Variants in BNC2 observed in about 807,000 individuals in gnomAD.
BNC2 encodes zinc finger protein basonuclin-2.
A neutral mutation model predicts 76.3 loss-of-function variants in BNC2; 20 were observed. The ratio of observed to expected loss-of-function variants is 0.26; its 90% confidence interval spans 0.18 to 0.38. The LOEUF (loss-of-function observed/expected upper bound fraction) is 0.38. BNC2 is among the 10% of genes least tolerant of loss of function. The probability of loss-of-function intolerance (pLI) is 1.00; values close to 1 mark genes in which losing one functional copy is unlikely to be tolerated. For missense variants in BNC2, 1,382 were observed against 1,399.8 expected (o/e 0.99, Z 0.20); for synonymous variants, 582 against 514.8 (o/e 1.13, Z -1.77).
intron 1 of BNC2, among the ~76,000 whole-genome samples, chr9:16,744,881 G>C (rs1179298078): frequency 6.6e-6 from 1 of 152,188 alleles, no homozygotes; most frequent in Non-Finnish European, 1.5e-5. Context: ...ATATGTACAT[G>C]AATGAACTAA....
chr9:16,807,913 T>C (rs772491295), intron 1 of BNC2, among the ~76,000 whole-genome samples: 1 of 152,118 alleles, frequency 6.6e-6, no homozygotes, highest in Non-Finnish European at 1.5e-5. Context: ...ATATACTTTG[T>C]AGAATAAAAG....
At chr9:16,730,400 G>A (rs1423714011) in intron 2 of BNC2, among the ~76,000 whole-genome samples, 1 of 152,036 alleles carries the variant, frequency 6.6e-6, no homozygotes, top group East Asian at 1.9e-4. Context: ...CAAAACAAAG[G>A]GCTAATTTGG....
intron 5 of BNC2, among the ~76,000 whole-genome samples, chr9:16,469,067 C>T (rs768755237): frequency 6.6e-6 from 1 of 152,142 alleles, no homozygotes; most frequent in Non-Finnish European, 1.5e-5. Flanking sequence ...GAACATTATA[C>T]TTTATACCTG....
At chr9:16,813,557 G>A (rs559333499) in intron 1 of BNC2, among the ~76,000 whole-genome samples, 3 of 152,094 alleles carry the variant, frequency 2.0e-5, no homozygotes, top group East Asian at 3.9e-4. Context: ...GAGCCACCGC[G>A]CCCAGCCAAA....
At chr9:16,524,666 T>C (rs568757332) in intron 5 of BNC2, among the ~76,000 whole-genome samples, 2 of 152,216 alleles carry the variant, frequency 1.3e-5, no homozygotes, top group Non-Finnish European at 2.9e-5. Context: ...AAAATAACAA[T>C]ACAGTGGAAG....
At chr9:16,512,410 T>C (rs1822777323) in intron 5 of BNC2, among the ~76,000 whole-genome samples, 1 of 152,096 alleles carries the variant, frequency 6.6e-6, no homozygotes, top group South Asian at 2.1e-4. Context: ...TGTTTCTGCC[T>C]CCGTGGCATA....
chr9:16,635,230 A>G (rs1034690564), intron 3 of BNC2, among the ~76,000 whole-genome samples: 1 of 152,206 alleles, frequency 6.6e-6, no homozygotes, highest in Non-Finnish European at 1.5e-5. Context: ...ATTAGTTACA[A>G]GATAACTAGA....
chr9:16,811,811 C>G (rs1469555793), intron 1 of BNC2, among the ~76,000 whole-genome samples: 2 of 152,138 alleles, frequency 1.3e-5, no homozygotes, highest in Non-Finnish European at 2.9e-5. Context: ...GTGAAGGGGG[C>G]AAAGCAGTAA....
At chr9:16,735,847 G>A (rs763186223) in intron 2 of BNC2, among the ~76,000 whole-genome samples, 1 of 151,844 alleles carries the variant, frequency 6.6e-6, no homozygotes, top group Non-Finnish European at 1.5e-5. Flanking sequence ...TAAAGTCTGT[G>A]GACCAAGAAG....
intron 3 of BNC2, among the ~76,000 whole-genome samples, chr9:16,585,948 A>C (rs1487178394): frequency 6.6e-6 from 1 of 152,146 alleles, no homozygotes; most frequent in Non-Finnish European, 1.5e-5. Flanking sequence ...AGAAAGGAGC[A>C]GAGAGTTCAG....
intron 1 of BNC2, among the ~76,000 whole-genome samples, chr9:16,857,406 G>A (rs528265222): frequency 7.3e-5 from 11 of 149,686 alleles, no homozygotes; most frequent in East Asian, 2.0e-4. Flanking sequence ...GAAATCGGCC[G>A]GCGGAGGTTG....
At chr9:16,555,990 T>A (rs1818817915) in intron 4 of BNC2, among the ~76,000 whole-genome samples, 1 of 152,054 alleles carries the variant, frequency 6.6e-6, no homozygotes, top group South Asian at 2.1e-4. Context: ...CTATTAGGTG[T>A]GTCAATGTTC....
chr9:16,429,657 C>G (rs1214404366), intron 6 of BNC2: 3 of 253,170 alleles, frequency 1.2e-5, no homozygotes, highest in Middle Eastern at 1.5e-3. Context: ...TATATAGAAG[C>G]ATTGTATTTG....
intron 1 of BNC2, among the ~76,000 whole-genome samples, chr9:16,812,813 T>G (rs1331308935): frequency 6.6e-6 from 1 of 152,166 alleles, no homozygotes; most frequent in Non-Finnish European, 1.5e-5. Context: ...AAAATAAAAC[T>G]GCTAATTAAC....
At chr9:16,735,037 A>C (rs1587363642) in intron 2 of BNC2, among the ~76,000 whole-genome samples, 1 of 152,214 alleles carries the variant, frequency 6.6e-6, no homozygotes, top group Non-Finnish European at 1.5e-5. Flanking sequence ...TCATAGAAAC[A>C]CATCAAGGAA....
At chr9:16,751,607 T>C (rs1825198259) in intron 1 of BNC2, among the ~76,000 whole-genome samples, 1 of 20,020 alleles carries the variant, frequency 5.0e-5, no homozygotes, top group African/African-American at 3.3e-4. Flanking sequence ...CCAGCACAAA[T>C]ATATATATGT....
At chr9:16,760,248 C>G (rs1038911987) in intron 1 of BNC2, among the ~76,000 whole-genome samples, 1 of 152,060 alleles carries the variant, frequency 6.6e-6, no homozygotes, top group African/African-American at 2.4e-5. Flanking sequence ...TTTCAAAATA[C>G]CACTGCTGTT....
intron 3 of BNC2, among the ~76,000 whole-genome samples, chr9:16,642,092 CT>C (rs1268415116): frequency 6.6e-6 from 1 of 152,180 alleles, no homozygotes; most frequent in Non-Finnish European, 1.5e-5. Context: ...AGTAGTGACC[CT>C]TCTTCTAAAA....
intron 1 of BNC2, among the ~76,000 whole-genome samples, chr9:16,844,882 T>C (rs1471433221): frequency 6.6e-6 from 1 of 152,178 alleles, no homozygotes; most frequent in African/African-American, 2.4e-5. Context: ...CATCACTGTA[T>C]GTAAATTGTT....
Sources: allele counts gnomAD v4.1 joint callset (sites outside exome capture counted in the v4.1 genomes callset), GRCh38; gene constraint gnomAD v4.1.1; transcripts MANE v1.5; gene names NCBI Gene and HGNC (gene_info 2026-07-23, HGNC 2026-07-21).